The following PPOX variants were observed in gnomAD, a reference collection of about 807,000 sequenced individuals.
PPOX encodes the protein variegate porphyria.
A neutral mutation model predicts 54.1 loss-of-function variants in PPOX; 23 were observed. The observed-to-expected ratio is 0.43, with a 90% CI of 0.31 to 0.60. PPOX has a LOEUF of 0.60. Among genes scored for constraint, PPOX ranks in the 20% least tolerant of loss-of-function variants. The pLI is 0.13. For missense variants in PPOX, 512 were observed against 601.1 expected (o/e 0.85, Z 1.55); for synonymous variants, 224 against 236.1 (o/e 0.95, Z 0.47).
downstream of PPOX, among the ~76,000 whole-genome samples, chr1:161,175,651 A>G (rs1663219082): frequency 6.6e-6 from 1 of 151,846 alleles, no homozygotes; most frequent in Non-Finnish European, 1.5e-5. Context: ...CTCTATCTCA[A>G]CCTCAGCCCT....
chr1:161,175,361 G>C (rs1402126621), downstream of PPOX: 2 of 791,622 alleles, frequency 2.5e-6, no homozygotes, highest in African/African-American at 3.5e-5. Flanking sequence ...CAGAAATCTC[G>C]CATGCCTTGG....
rs1024838093 is a variant in PPOX at position 161,169,741 on chromosome 1, C to T, written c.868+21C>T. On this transcript the variant is annotated intron_variant, in intron 8 of 12. Coordinates refer to ENST00000367999, the MANE Select transcript of PPOX (RefSeq NM_001122764.3). Reference sequence around the variant, plus strand: ...TTCAGGTAATGGAATAGCCACCTTCCCCTTCCCCAACCCCTACCAGTGAGA... The same window carrying T: ...TTCAGGTAATGGAATAGCCACCTTCTCCTTCCCCAACCCCTACCAGTGAGA... 2.5e-6 allele frequency: 4 copies of T among 1,613,960 alleles called. No homozygotes were observed. In the African/African-American group the frequency reaches 5.3e-5, roughly 22 times the overall value.
rs1239504324 is a variant in PPOX at position 161,170,405 on chromosome 1, C to T, written c.988-4C>T. On this transcript the variant is annotated splice_region_variant and splice_polypyrimidine_tract_variant and intron_variant, in intron 9 of 12. Coordinates refer to ENST00000367999, the MANE Select transcript of PPOX (RefSeq NM_001122764.3). ...TTCTGACGCATGAATGTCCTTCTCT[C>T]CAGGGATTTGGACATTTGGTGCCAT... is the stretch of plus-strand genomic sequence containing the variant. 6.6e-7 allele frequency: 1 copy of T among 1,525,734 alleles called. No individual in the cohort carries two copies. Among genetic ancestry groups the T allele is most frequent in the East Asian group, 2.7e-5 (1 of 37,370 alleles). 94.5% of individuals were successfully genotyped at this position (1,525,734 alleles called of 1,614,324 possible).
In PPOX at chr1:161,170,466, G is replaced by A; in HGVS notation, c.1045G>A (p.Asp349Asn). ...TCCAGGAGTCCTGGGAATCGTGTAT[G>A]ACTCAGTTGCTTTCCCTGAGCAGGA... Reference protein sequence around the residue: ...EDPGVLGIVYDSVAFPEQDGS... With the variant: ...EDPGVLGIVYNSVAFPEQDGS... The change falls in exon 10 of 13, where the codon GAC (aspartate) becomes AAC (asparagine). Residue 349 changes from aspartate to asparagine, a missense_variant. Transcript: ENST00000367999. 1.2e-6 allele frequency: 2 copies of A among 1,614,240 alleles called. No homozygotes were observed. The highest frequency in any genetic ancestry group is 1.7e-6 in the Non-Finnish European group (2 of 1,180,044).
rs569993390 is a variant in PPOX at position 161,169,176 on chromosome 1, G to A, written c.800G>A (p.Arg267His). The change falls in exon 7 of 13, where the codon CGC becomes CAC. Residue 267 changes from arginine (R) to histidine (H), a missense_variant. By Grantham distance (29) the Arg-to-His change is conservative. Transcript: ENST00000367999. ...GGGCTCAGCCTCCAGGCAGAAGGGC[G>A]CTGGAAGGTAGGGGAACCCCTGGAG... ...VCGLSLQAEG[R>H]WKVSLRDSSL... 8.1e-6 allele frequency: 13 copies of A among 1,613,850 alleles called. No individual in the cohort carries two copies. The highest frequency in any genetic ancestry group is 1.6e-4 in the Middle Eastern group (1 of 6,062).
upstream of PPOX, chr1:161,166,022 C>G: frequency 3.2e-6 from 3 of 935,038 alleles, no homozygotes; most frequent in Non-Finnish European, 3.8e-6. Flanking sequence ...CCGGGCGGCC[C>G]TAGCTCCCGT....
At chr1:161,174,182 C>T (rs1035350189), downstream of PPOX, 9 of 859,998 alleles carry the variant, frequency 1.0e-5, no homozygotes, top group African/African-American at 1.7e-5. Context: ...CCAAGGCAGG[C>T]AGATCACAAG....
chr1:161,167,332 C>A, intron 3 of PPOX, 39 bp from the exon 4 acceptor site: 1 of 1,614,020 alleles, frequency 6.2e-7, no homozygotes, highest in Non-Finnish European at 8.5e-7. Context: ...GTCAGATCTT[C>A]CCTTAGTTTC....
At position 161,168,453 on chromosome 1, in the gene PPOX, A is replaced by G; in HGVS notation, c.493A>G (p.Ser165Gly). Residue 165 changes from serine to glycine, a missense_variant, in exon 6 of 13, where the codon AGT (serine) becomes GGT (glycine). Physicochemically the swap from Ser to Gly is moderately conservative, Grantham distance 56. Transcript: ENST00000367999. ...GPEVASLAMDSLCRGVFAGNS... is the reference protein window; with the variant it reads ...GPEVASLAMDGLCRGVFAGNS... ...TAAGGTGGCGTCTCTAGCCATGGAC[A>G]GTCTCTGCCGTGGAGTGTTTGCAGG... is the stretch of plus-strand genomic sequence containing the variant. The G allele has an allele frequency of 6.2e-7, 1 of 1,614,170 alleles. No homozygotes were observed. The highest frequency in any genetic ancestry group is 8.5e-7 in the Non-Finnish European group (1 of 1,180,030).
At chr1:161,169,544 A>T in intron 7 of PPOX, 116 bp from the exon 8 acceptor site, 1 of 1,074,666 alleles carries the variant, frequency 9.3e-7, no homozygotes, top group Non-Finnish European at 1.4e-6. Flanking sequence ...CTGGGTCAGT[A>T]CACAGTCTCC....
At chr1:161,172,835 CT>C (rs1194528417), downstream of PPOX, among the ~76,000 whole-genome samples, 1 of 147,926 alleles carries the variant, frequency 6.8e-6, no homozygotes, top group South Asian at 2.1e-4. Flanking sequence ...CAAGACCAGC[CT>C]GGGAAAATAA....
chr1:161,173,380 A>G (rs956003516), downstream of PPOX, among the ~76,000 whole-genome samples: 1 of 152,178 alleles, frequency 6.6e-6, no homozygotes, highest in Non-Finnish European at 1.5e-5. Context: ...TATTGATCTT[A>G]TGTCCTCTCC....
At chr1:161,172,479 G>A, downstream of PPOX, 1 of 668,426 alleles carries the variant, frequency 1.5e-6, no homozygotes, top group Non-Finnish European at 2.5e-6. Flanking sequence ...CAGAAAGAAG[G>A]AAATGGCTGA....
chr1:161,166,162 T>A (rs1003929818), upstream of PPOX: 11 of 984,222 alleles, frequency 1.1e-5, no homozygotes, highest in African/African-American at 1.9e-4. Context: ...GTTGTCACCC[T>A]AGCTGGACCT....
At chr1:161,172,292 T>C (rs1476428787), downstream of PPOX, 3 of 1,613,986 alleles carry the variant, frequency 1.9e-6, no homozygotes, top group Admixed American at 1.7e-5. Context: ...GTCCTACAGA[T>C]GTGGGGGGCC....
At chr1:161,176,050 C>T (rs1187906528), downstream of PPOX, 3 of 1,614,046 alleles carry the variant, frequency 1.9e-6, no homozygotes, top group Non-Finnish European at 2.5e-6. Flanking sequence ...CTCCAGCAGC[C>T]TCCGCAACAT....
downstream of PPOX, chr1:161,175,938 A>T (rs776199876): frequency 7.4e-5 from 120 of 1,613,996 alleles, no homozygotes; most frequent in Middle Eastern, 1.6e-4. Context: ...TCGGTCCCTG[A>T]TCTCGGCCAA....
At chr1:161,176,152 G>A (rs570799484), downstream of PPOX, 7 of 1,475,684 alleles carry the variant, frequency 4.7e-6, no homozygotes, top group African/African-American at 1.4e-5. Flanking sequence ...TAGGGTTGAA[G>A]GTGATGCCAG....
chr1:161,166,839 G>A lies in PPOX; in HGVS notation c.-8-1G>A, dbSNP rs1243063709. The A allele has an allele frequency of 6.2e-7, 1 of 1,613,070 alleles. No homozygotes were observed. The highest frequency in any genetic ancestry group is 8.5e-7 in the Non-Finnish European group (1 of 1,180,022). On this transcript the variant is annotated splice_acceptor_variant, in intron 1 of 12. Transcript: ENST00000367999. LOFTEE classifies it low-confidence loss of function (5UTR_SPLICE). ...TGTCCATATCGCCCCCTTTCCCCCA[G>A]GTTTCCGCATGGGCCGGACCGTGGT... is the stretch of plus-strand genomic sequence containing the variant.
Sources: allele counts gnomAD v4.1 joint callset (sites outside exome capture counted in the v4.1 genomes callset), GRCh38; gene constraint gnomAD v4.1.1; transcripts MANE v1.5; gene names NCBI Gene and HGNC (gene_info 2026-07-23, HGNC 2026-07-21).